Variants in PDZD9 observed in about 807,000 individuals in gnomAD.
PDZD9 encodes PDZ domain-containing protein 9.
PDZD9 carries 13 observed loss-of-function variants against 16.3 expected under a neutral mutation model. The ratio of observed to expected loss-of-function variants is 0.80; its 90% CI spans 0.52 to 1.27. The LOEUF (loss-of-function observed/expected upper bound fraction) is 1.27, where lower values mean the gene tolerates loss of function less well. PDZD9 is among the 50% of genes most tolerant of loss of function. The pLI, the probability that PDZD9 is intolerant of heterozygous loss-of-function variation, is 0.00. For synonymous variants in PDZD9, 120 were observed against 111.0 expected, an observed-to-expected ratio of 1.08 and a Z score of -0.51; for missense variants, 288 against 310.9, an observed-to-expected ratio of 0.93 and a Z score of 0.55.
chr16:21,976,265 G>A, the PDZD9 span: 1 of 1,579,790 alleles, frequency 6.3e-7, no homozygotes, highest in Non-Finnish European at 8.7e-7. Flanking sequence ...TATTAACTGT[G>A]TTTTATGTTT....
chr16:21,969,595 A>G, the PDZD9 span, among the ~76,000 whole-genome samples: 1 of 152,228 alleles, frequency 6.6e-6, no homozygotes, highest in Non-Finnish European at 1.5e-5. Context: ...TTTGTCTTAC[A>G]GAAACATTAG....
chr16:21,987,375 A>G (rs1898903206), intron 3 of PDZD9, among the ~76,000 whole-genome samples: 1 of 152,076 alleles, frequency 6.6e-6, no homozygotes, highest in East Asian at 1.9e-4. Flanking sequence ...AGCCAAGGTC[A>G]CGCCACTACA....
chr16:21,980,862 A>G (rs906364193), downstream of PDZD9, among the ~76,000 whole-genome samples: 3 of 152,142 alleles, frequency 2.0e-5, no homozygotes, highest in African/African-American at 7.2e-5. Flanking sequence ...AAGATCCGCA[A>G]CAAGCTTCCC....
downstream of PDZD9, among the ~76,000 whole-genome samples, chr16:21,982,039 A>G (rs921751204): frequency 1.3e-5 from 2 of 151,576 alleles, no homozygotes; most frequent in Non-Finnish European, 2.9e-5. Flanking sequence ...ACGGGGTTTT[A>G]CCATGTTAGC....
the PDZD9 span, chr16:21,972,036 G>A: frequency 2.5e-6 from 4 of 1,614,136 alleles, no homozygotes; most frequent in South Asian, 2.2e-5. Context: ...GCATGTCCTC[G>A]GTGCTGGGCC....
chr16:21,972,225 A>C, the PDZD9 span: 1 of 1,408,732 alleles, frequency 7.1e-7, no homozygotes, highest in Non-Finnish European at 9.7e-7. Context: ...AACACACAGA[A>C]AATCTTTGTA....
intron 2 of PDZD9, among the ~76,000 whole-genome samples, chr16:21,989,029 A>G (rs183014570): frequency 1.2e-3 from 177 of 150,946 alleles, no homozygotes; most frequent in Admixed American, 2.0e-3. Context: ...CCCAGGTTCA[A>G]GTGGTTCTCC....
At chr16:21,974,646 G>A in the PDZD9 span, among the ~76,000 whole-genome samples, 1 of 152,218 alleles carries the variant, frequency 6.6e-6, no homozygotes, top group Non-Finnish European at 1.5e-5. Context: ...AGAGGTTGGT[G>A]TGGGCTAGTG....
At chr16:21,977,800 C>A in the PDZD9 span, among the ~76,000 whole-genome samples, 1 of 152,212 alleles carries the variant, frequency 6.6e-6, no homozygotes, top group African/African-American at 2.4e-5. Context: ...CAGGATGGAA[C>A]AACCTTTTGG....
intron 3 of PDZD9, 127 bp downstream of exon 3, chr16:21,988,475 C>CT (rs1597977231): frequency 2.6e-6 from 2 of 767,208 alleles, no homozygotes; most frequent in Non-Finnish European, 4.1e-6. Flanking sequence ...GGAAATTACT[C>CT]TGACAGTGTC....
At chr16:21,963,177 A>G in the PDZD9 span, 1 of 211,626 alleles carries the variant, frequency 4.7e-6, no homozygotes, top group African/African-American at 2.3e-5. Context: ...TTTAGTAGAA[A>G]CAGGGTTTTG....
the PDZD9 span, among the ~76,000 whole-genome samples, chr16:21,963,462 T>TTTTG: frequency 8.6e-5 from 13 of 151,936 alleles, no homozygotes; most frequent in South Asian, 2.1e-4. Flanking sequence ...AATGTTTTGT[T>TTTTG]TTTGTTTGTT....
chr16:21,971,334 A>T, the PDZD9 span, among the ~76,000 whole-genome samples: 2 of 152,358 alleles, frequency 1.3e-5, no homozygotes, highest in East Asian at 3.9e-4. Flanking sequence ...TACTAAGTAT[A>T]TAGTAAATAG....
the PDZD9 span, among the ~76,000 whole-genome samples, chr16:21,973,602 G>A: frequency 6.6e-6 from 1 of 152,162 alleles, no homozygotes; most frequent in African/African-American, 2.4e-5. Flanking sequence ...AATGTTTGCA[G>A]ATTAGTGTTT....
chr16:22,000,486 G>A (rs1265613689), intron 1 of PDZD9, among the ~76,000 whole-genome samples: 1 of 152,052 alleles, frequency 6.6e-6, no homozygotes, highest in African/African-American at 2.4e-5. Context: ...TCTTGATGGA[G>A]GGGGTGGTTC....
At chr16:21,975,803 G>A in the PDZD9 span, among the ~76,000 whole-genome samples, 1 of 152,120 alleles carries the variant, frequency 6.6e-6, no homozygotes, top group African/African-American at 2.4e-5. Flanking sequence ...AGAAATCCAT[G>A]TGTTTGGCCG....
chr16:21,997,288 T>G lies in PDZD9; in HGVS notation c.32-787A>C, dbSNP rs572982995. On this transcript the variant is annotated intron_variant, in intron 1 of 3. Coordinates refer to ENST00000424898, the MANE Select transcript of PDZD9 (RefSeq NM_001363519.1). ...AGAGGGCCAAAGTCTCATCTGGGGA[T>G]GGCGGGTCAAGCTTCCAGCAGGGCT... 2.0e-5 allele frequency among the ~76,000 whole-genome samples: 3 copies of G among 152,298 alleles called. No individual in the cohort carries two copies. The East Asian group carries it at 5.8e-4, about 29-fold the overall frequency.
At chr16:21,992,219 A>G (rs1899040463) in intron 2 of PDZD9, among the ~76,000 whole-genome samples, 1 of 152,174 alleles carries the variant, frequency 6.6e-6, no homozygotes, top group African/African-American at 2.4e-5. Flanking sequence ...CCTGTGTGAC[A>G]GTGAGACCAT....
At chr16:21,966,054 G>T in the PDZD9 span, among the ~76,000 whole-genome samples, 1 of 150,740 alleles carries the variant, frequency 6.6e-6, no homozygotes, top group Non-Finnish European at 1.5e-5. Context: ...TGGCTCATGC[G>T]TGTAATCTCA....
Sources: allele counts gnomAD v4.1 joint callset (sites outside exome capture counted in the v4.1 genomes callset), GRCh38; gene constraint gnomAD v4.1.1; transcripts MANE v1.5; gene names NCBI Gene and HGNC (gene_info 2026-07-23, HGNC 2026-07-21).